Variants in SHROOM1 observed in about 807,000 individuals in gnomAD.
SHROOM1 encodes shroom family member 1.
A neutral mutation model predicts 64.2 loss-of-function variants in SHROOM1; 53 were observed. The observed-to-expected ratio is 0.83, with a 90% CI of 0.66 to 1.04. SHROOM1 has a LOEUF of 1.04. Ranked by LOEUF, SHROOM1 falls within the 50% of genes least tolerant of loss-of-function variation. SHROOM1 has a pLI of 0.00. For missense variants in SHROOM1, 1,179 were observed against 1,163.2 expected, an observed-to-expected ratio of 1.01 and a Z score of -0.20; for synonymous variants, 490 against 518.9, an observed-to-expected ratio of 0.94 and a Z score of 0.76.
intron 1 of SHROOM1, chr5:132,829,457 AGGTTACTGG>A (rs1758788507): frequency 1.8e-6 from 1 of 568,412 alleles, no homozygotes; most frequent in Admixed American, 6.3e-5. Flanking sequence ...TTTTAGTTAG[AGGTTACTGG>A]GGAAATAGCT....
chr5:132,823,694 T>C lies in SHROOM1; in HGVS notation c.1882A>G (p.Thr628Ala). 1 of 1,611,892 alleles carries C rather than the reference T, an allele frequency of 6.2e-7. No individual in the cohort carries two copies. The highest frequency in any genetic ancestry group is 2.2e-5 in the East Asian group (1 of 44,864). Residue 628 changes from threonine (T) to alanine (A), a missense_variant, in exon 8 of 10, where the codon ACC becomes GCC. Thr to Ala is a moderately conservative substitution (Grantham distance 58). Transcript: ENST00000378679. The surrounding 1 kb of genome is among the most constrained non-coding windows in gnomAD (Gnocchi z 4.6). ...CATGGCTGGTCAAGCACAGGGTGGG[T>C]GGCAGGGTTTTCAAGCCTTGTCTCC... ...REETRLENPA[T>A]HPVLDQPCGQ...
Position 132,823,514 on chromosome 5 carries a change from C to G in SHROOM1, c.1962G>C (p.Leu654=). 1 of 1,600,294 alleles carries G rather than the reference C, an allele frequency of 6.2e-7. No homozygotes were observed. The change falls in exon 9 of 10, where the codon CTG becomes CTC. Residue 654 remains leucine (L), a synonymous_variant. Transcript: ENST00000378679. This position sits in a 1 kb window ranked among gnomAD's most constrained non-coding sequence, Gnocchi z 4.6. ...NNSIQGKKVE[L]AARLQKMLQD... is the part of the protein sequence containing the mutation. ...GAAGCATCTTTTGGAGGCGGGCGGC[C>G]AGCTCCACCTACAGGGAAGGCTCAA...
rs1307906458 is a variant in SHROOM1, at chr5:132,826,414, G to A, written c.-180C>T. 1.1e-5 allele frequency: 6 copies of A among 541,046 alleles called. No individual in the cohort carries two copies. The highest frequency in any genetic ancestry group is 1.7e-5 in the Non-Finnish European group (6 of 362,854). The allele number at this position is 541,046 out of a possible 1,614,324, so 33.5% of individuals were successfully genotyped here. On this transcript the variant is annotated 5_prime_UTR_variant, in exon 3 of 10. Transcript: ENST00000378679. ...CTGAAGGTTGAGGGCCCAGCTCAGG[G>A]GAAGGAATTGGGACCAGCTCATTCC...
rs1278922042 is a variant in SHROOM1 at position 132,825,340 on chromosome 5, CTT to C, written c.799_800del (p.Lys267ValfsTer2). The stretch of plus-strand genomic sequence containing the variant: ...GCCATCCGACCTCGTGATCTTCAAA[CTT>C]AGCCAGCGCCGGATGCTGGAACTCC... ...PLEFQHPALAKFEDHEVGWLP... is the reference protein window; with the variant it reads ...PLEFQHPALAXFEDHEVGWLP... On this transcript the variant is annotated frameshift_variant, in exon 4 of 10. Transcript: ENST00000378679. LOFTEE classifies it high-confidence loss of function. This position sits in a 1 kb window ranked among gnomAD's most constrained non-coding sequence, Gnocchi z 5.1. The C allele has an allele frequency of 5.0e-6, 8 of 1,604,178 alleles. No individual in the cohort carries two copies. The highest frequency in any genetic ancestry group is 4.5e-5 in the East Asian group (2 of 44,800).
intron 1 of SHROOM1, among the ~76,000 whole-genome samples, 167 bp from the exon 2 acceptor site, chr5:132,827,774 C>G (rs1758749315): frequency 6.6e-6 from 1 of 152,214 alleles, no homozygotes; most frequent in South Asian, 2.1e-4. Context: ...CCCTATTAGT[C>G]TTTTCTGGGG....
chr5:132,823,588 C>A lies in SHROOM1; in HGVS notation c.1953+35G>T. 1 of 1,566,356 alleles carries A rather than the reference C, an allele frequency of 6.4e-7. No homozygotes were observed. The highest frequency in any genetic ancestry group is 2.3e-5 in the East Asian group (1 of 44,182). On this transcript the variant is annotated intron_variant, in intron 8 of 9. Coordinates refer to ENST00000378679, the MANE Select transcript of SHROOM1 (RefSeq NM_001172700.2). The surrounding 1 kb of genome is among the most constrained non-coding windows in gnomAD (Gnocchi z 4.6). ...CCCTGCCCAGGCTCTGGGCTCCTACCCACCCCCAGCCTCCACCAGCCCTTC... is the reference window on the plus strand; with the variant it reads ...CCCTGCCCAGGCTCTGGGCTCCTACACACCCCCAGCCTCCACCAGCCCTTC...
In SHROOM1 at chr5:132,825,799, C is replaced by G. The variant is rs1297215421; in HGVS notation, c.342G>C (p.Leu114=). 3.2e-6 allele frequency: 4 copies of G among 1,248,056 alleles called. No homozygotes were observed. The African/African-American group carries it at 6.2e-5, about 19-fold the overall frequency. The allele number at this position is 1,248,056 out of a possible 1,614,324, so 77.3% of individuals were successfully genotyped here. A position where few individuals can be genotyped will look rare whatever the true frequency, so the allele number is the denominator to read the frequency against. ...CCGCCTCGGCCGCCAGCGCGTACAG[C>G]AGCGGGGTGGCCTGCCTGTTCAGTG... ...PGPLNRQATP[L]LYALAAEAEA... is the part of the protein sequence containing the mutation. The change falls in exon 4 of 10, where the codon CTG becomes CTC. Residue 114 remains leucine (L), a synonymous_variant. Transcript: ENST00000378679. This position sits in a 1 kb window ranked among gnomAD's most constrained non-coding sequence, Gnocchi z 5.1.
chr5:132,825,277 G>T lies in SHROOM1; in HGVS notation c.864C>A (p.Asp288Glu). ...ETQPQGSMNLDSGSLKLGDAF... is the reference protein window; with the variant it reads ...ETQPQGSMNLESGSLKLGDAF... ...CATCACCGAGCTTCAAGGACCCGGA[G>T]TCCAGGTTCATGGAGCCTTGGGGTT... The change falls in exon 4 of 10, where the codon GAC becomes GAA. Residue 288 changes from aspartate (D) to glutamate (E), a missense_variant. Asp to Glu is a conservative substitution (Grantham distance 45). Coordinates refer to ENST00000378679, the MANE Select transcript of SHROOM1 (RefSeq NM_001172700.2). This position sits in a 1 kb window ranked among gnomAD's most constrained non-coding sequence, Gnocchi z 5.1. 6.2e-7 allele frequency: 1 copy of T among 1,613,510 alleles called. No homozygotes were observed. The highest frequency in any genetic ancestry group is 1.1e-5 in the South Asian group (1 of 91,042).
At position 132,826,190 on chromosome 5, in the gene SHROOM1, AAC is replaced by A; in HGVS notation, c.-42-10_-42-9del. The A allele has an allele frequency of 7.8e-7, 1 of 1,286,874 alleles. No individual in the cohort carries two copies. The highest frequency in any genetic ancestry group is 9.8e-7 in the Non-Finnish European group (1 of 1,017,598). The allele number at this position is 1,286,874 out of a possible 1,614,324, so 79.7% of individuals were successfully genotyped here. ...TGGGTGGCTGCGTGGGTCCTGGGAA[AAC>A]ACAGATGTGGTGCCGGGTGAGGAGC... is the stretch of plus-strand genomic sequence containing the variant. On this transcript the variant is annotated splice_polypyrimidine_tract_variant and intron_variant, in intron 3 of 9. Transcript: ENST00000378679.
At position 132,822,793 on chromosome 5, in the gene SHROOM1, TA is replaced by T. The variant is rs1454311223; in HGVS notation, c.*2del. 1 of 1,592,976 alleles carries T rather than the reference TA, an allele frequency of 6.3e-7. No homozygotes were observed. The highest frequency in any genetic ancestry group is 1.1e-5 in the South Asian group (1 of 88,492). On this transcript the variant is annotated 3_prime_UTR_variant, in exon 10 of 10. Transcript: ENST00000378679. The stretch of plus-strand genomic sequence containing the variant: ...CGGTGCACCCCACCCTCTCCACCTA[TA>T]ACTATGTAAGGAGAAGAGGGAAGGG...
At position 132,825,504 on chromosome 5, in the gene SHROOM1, G is replaced by T; in HGVS notation, c.637C>A (p.Pro213Thr). 6.7e-7 allele frequency: 1 copy of T among 1,495,218 alleles called. No homozygotes were observed. The highest frequency in any genetic ancestry group is 8.9e-7 in the Non-Finnish European group (1 of 1,128,510). The allele number at this position is 1,495,218 out of a possible 1,614,324, so 92.6% of individuals were successfully genotyped here. Residue 213 changes from proline (P) to threonine (T), a missense_variant, in exon 4 of 10, where the codon CCC (proline) becomes ACC (threonine). Transcript: ENST00000378679. The surrounding 1 kb of genome is among the most constrained non-coding windows in gnomAD (Gnocchi z 5.1). ...CACTTCCGCTGCTGGTTGGCGAGGGGACCCCGGCCGGCAGTTCCTGGCGCG... is the reference window on the plus strand; with the variant it reads ...CACTTCCGCTGCTGGTTGGCGAGGGTACCCCGGCCGGCAGTTCCTGGCGCG... ...APAPGTAGRG[P>T]LANQQRKWCF...
Position 132,830,337 on chromosome 5 carries a change from C to T in SHROOM1, c.-501+257G>A. 1.0e-6 allele frequency: 1 copy of T among 985,128 alleles called. No homozygotes were observed. Among genetic ancestry groups the T allele is most frequent in the African/African-American group, 1.7e-5 (1 of 57,306 alleles). 61.0% of individuals were successfully genotyped at this position (985,128 alleles called of 1,614,324 possible). The stretch of plus-strand genomic sequence containing the variant: ...GGCGCGCCCAGCCGCGCCCCTGAGC[C>T]GCGCCGCCAGCTTAGAGTGGGCCGC... On this transcript the variant is annotated intron_variant, in intron 1 of 9. Transcript: ENST00000378679. The surrounding 1 kb of genome is among the most constrained non-coding windows in gnomAD (Gnocchi z 5.9).
At position 132,826,316 on chromosome 5, in the gene SHROOM1, C is replaced by A; in HGVS notation, c.-82G>T. 1 of 1,235,906 alleles carries A rather than the reference C, an allele frequency of 8.1e-7. No individual in the cohort carries two copies. The highest frequency in any genetic ancestry group is 1.0e-6 in the Non-Finnish European group (1 of 989,674). 76.6% of individuals were successfully genotyped at this position (1,235,906 alleles called of 1,614,324 possible). A position where few individuals can be genotyped will look rare whatever the true frequency, so the allele number is the denominator to read the frequency against. ...GTCACACCGTCACAAGCGCTGGCATCCCCCAGATTTTGGCAGAGTCACCTT... is the reference window on the plus strand; with the variant it reads ...GTCACACCGTCACAAGCGCTGGCATACCCCAGATTTTGGCAGAGTCACCTT... On this transcript the variant is annotated 5_prime_UTR_variant, in exon 3 of 10. Transcript: ENST00000378679.
Position 132,823,983 on chromosome 5 carries a change from G to C in SHROOM1, c.1678C>G (p.Leu560Val). The C allele has an allele frequency of 6.2e-7, 1 of 1,605,326 alleles. No homozygotes were observed. The highest frequency in any genetic ancestry group is 8.5e-7 in the Non-Finnish European group (1 of 1,175,624). Residue 560 changes from leucine (L) to valine (V), a missense_variant, in exon 7 of 10, where the codon CTT becomes GTT. By Grantham distance (32) the Leu-to-Val change is conservative. Coordinates refer to ENST00000378679, the MANE Select transcript of SHROOM1 (RefSeq NM_001172700.2). This position sits in a 1 kb window ranked among gnomAD's most constrained non-coding sequence, Gnocchi z 4.6. ...GGCTCTGGGCTGGGCTGGGAAGCAA[G>C]AGGGTCACATAGAGAGGGATCTAAT... is the stretch of plus-strand genomic sequence containing the variant. ...ARLDPSLCDP[L>V]ASQPSPEPPL...
chr5:132,824,702 A>T lies in SHROOM1; in HGVS notation c.1154T>A (p.Leu385His). 2 of 1,614,076 alleles carry T rather than the reference A, an allele frequency of 1.2e-6. No individual in the cohort carries two copies. The highest frequency in any genetic ancestry group is 1.7e-6 in the Non-Finnish European group (2 of 1,180,014). ...TCIVPAWLPS[L>H]PDEVFLEEAP... The stretch of plus-strand genomic sequence containing the variant: ...CTCTTCTAGGAACACTTCATCAGGA[A>T]GGGAGGGGAGCCAGGCAGGCACAAT... The change falls in exon 6 of 10, where the codon CTT becomes CAT. Residue 385 changes from leucine (L) to histidine (H), a missense_variant. Leu to His is a moderately conservative substitution (Grantham distance 99, BLOSUM62 -3). Coordinates refer to ENST00000378679, the MANE Select transcript of SHROOM1 (RefSeq NM_001172700.2).
chr5:132,828,836 C>T (rs1758773310), intron 1 of SHROOM1, among the ~76,000 whole-genome samples: 1 of 152,254 alleles, frequency 6.6e-6, no homozygotes, highest in Non-Finnish European at 1.5e-5. Flanking sequence ...AGGCTCCTCA[C>T]AGTGGGTGCT....
rs527742914 is a variant in SHROOM1, at chr5:132,823,464, C to T, written c.2012G>A (p.Arg671Gln). The change falls in exon 9 of 10, where the codon CGG (arginine) becomes CAG (glutamine). Residue 671 changes from arginine (R) to glutamine (Q), a missense_variant. Transcript: ENST00000378679. The surrounding 1 kb of genome is among the most constrained non-coding windows in gnomAD (Gnocchi z 4.6). ...CCACGCTTGTGCCTCCCCCTGCAGCCGCTCCTGCTCCGTGTGAAGGTCCTG... is the reference window on the plus strand; with the variant it reads ...CCACGCTTGTGCCTCCCCCTGCAGCTGCTCCTGCTCCGTGTGAAGGTCCTG... ...MLQDLHTEQE[R>Q]LQGEAQAWAR... 3 of 1,612,152 alleles carry T rather than the reference C, an allele frequency of 1.9e-6. No individual in the cohort carries two copies. Among genetic ancestry groups the T allele is most frequent in the South Asian group, 2.2e-5 (2 of 91,038 alleles).
Position 132,830,083 on chromosome 5 carries a change from C to T in SHROOM1, c.-501+511G>A. 2.0e-6 allele frequency: 2 copies of T among 985,342 alleles called. No homozygotes were observed. Among genetic ancestry groups the T allele is most frequent in the Non-Finnish European group, 2.4e-6 (2 of 829,898 alleles). 61.0% of individuals were successfully genotyped at this position (985,342 alleles called of 1,614,324 possible). A position where few individuals can be genotyped will look rare whatever the true frequency, so the allele number is the denominator to read the frequency against. On this transcript the variant is annotated intron_variant, in intron 1 of 9. Coordinates refer to ENST00000378679, the MANE Select transcript of SHROOM1 (RefSeq NM_001172700.2). This position sits in a 1 kb window ranked among gnomAD's most constrained non-coding sequence, Gnocchi z 5.9. ...ACGGGAGGGAGAGAGGCGCAGGCCC[C>T]GGCGGCCGCAGGGGGCGGCAGAGAC... is the stretch of plus-strand genomic sequence containing the variant.
Position 132,826,366 on chromosome 5 carries a change from A to G in SHROOM1, c.-132T>C. ...TGGGATCAGAGGTGGCAGAGGAAGT[A>G]GGACCAGTCCCAGGGAGCACCTCTG... On this transcript the variant is annotated 5_prime_UTR_variant, in exon 3 of 10. Coordinates refer to ENST00000378679, the MANE Select transcript of SHROOM1 (RefSeq NM_001172700.2). 1 of 1,023,168 alleles carries G rather than the reference A, an allele frequency of 9.8e-7. No individual in the cohort carries two copies. The highest frequency in any genetic ancestry group is 1.7e-5 in the African/African-American group (1 of 60,346). 63.4% of individuals were successfully genotyped at this position (1,023,168 alleles called of 1,614,324 possible).
Sources: allele counts gnomAD v4.1 joint callset (sites outside exome capture counted in the v4.1 genomes callset), GRCh38; gene constraint gnomAD v4.1.1; non-coding constraint Gnocchi (gnomAD v3.1); transcripts MANE v1.5; gene names NCBI Gene and HGNC (gene_info 2026-07-23, HGNC 2026-07-21).